GSE1: variants seen among roughly 807,000 people sequenced by gnomAD.
The protein encoded by GSE1 is genetic suppressor element 1.
Under a neutral mutation model 112.6 loss-of-function variants are expected in GSE1, and 32 were observed. That is an observed-to-expected ratio of 0.28 (90% CI 0.21 to 0.38). The LOEUF is 0.38. Among genes scored for constraint, GSE1 ranks in the 10% least tolerant of loss-of-function variants. The pLI is 1.00. For missense variants in GSE1, 2,348 were observed against 1,699.2 expected, an observed-to-expected ratio of 1.38 and a Z score of -6.71; for synonymous variants, 1,115 against 735.6, an observed-to-expected ratio of 1.52 and a Z score of -8.35.
chr16:85,240,260 A>C (rs1905067990), intron 1 of GSE1, among the ~76,000 whole-genome samples: 1 of 152,136 alleles, frequency 6.6e-6, no homozygotes, highest in Non-Finnish European at 1.5e-5. Flanking sequence ...CCTCCTCCCC[A>C]GTCATTAGCC....
At chr16:85,301,668 G>A (rs779059135) in intron 1 of GSE1, among the ~76,000 whole-genome samples, 15 of 152,208 alleles carry the variant, frequency 9.9e-5, no homozygotes, top group Non-Finnish European at 1.5e-4. Flanking sequence ...GTTGCCATCT[G>A]TGTTTCCTTT....
intron 15 of GSE1, chr16:85,672,118 C>T (rs1477906088): frequency 8.9e-6 from 3 of 338,928 alleles, no homozygotes; most frequent in African/African-American, 6.4e-5. Flanking sequence ...CCTGCCTCAG[C>T]CTCCCGAGTA....
chr16:85,655,783 C>T lies in GSE1; in HGVS notation c.855C>T (p.Thr285=), dbSNP rs757530490. 4.8e-5 allele frequency: 77 copies of T among 1,609,752 alleles called. No homozygotes were observed. Among genetic ancestry groups the T allele is most frequent in the Non-Finnish European group, 6.1e-5 (72 of 1,177,770 alleles). Residue 285 remains threonine, a synonymous_variant, in exon 6 of 16, where the codon ACC becomes ACT. Coordinates refer to ENST00000253458, the MANE Select transcript of GSE1 (RefSeq NM_014615.5). ...ALRSPFYPIP[T]PGSLPPLHPS... is the part of the protein sequence containing the mutation. The stretch of plus-strand genomic sequence containing the variant: ...GGTCCCCGTTCTACCCCATCCCCAC[C>T]CCCGGCTCCCTGCCCCCACTGCACC...
intron 2 of GSE1, among the ~76,000 whole-genome samples, chr16:85,503,908 G>A (rs1039072951): frequency 1.1e-4 from 17 of 152,304 alleles, no homozygotes; most frequent in African/African-American, 3.8e-4. Flanking sequence ...ATTCGCCGGC[G>A]CTTAATTAGG....
intron 1 of GSE1, among the ~76,000 whole-genome samples, chr16:85,631,934 G>T (rs187289135): frequency 2.6e-5 from 4 of 152,276 alleles, no homozygotes; most frequent in Non-Finnish European, 5.9e-5. Flanking sequence ...CGGGGGACAC[G>T]CAGAGGCCAG....
chr16:85,598,712 C>G (rs2047340166), intron 1 of GSE1, among the ~76,000 whole-genome samples: 1 of 152,246 alleles, frequency 6.6e-6, no homozygotes, highest in Admixed American at 6.5e-5. Flanking sequence ...GGTTTGCATC[C>G]CGCAACCATT....
chr16:85,320,314 G>A (rs957110348), intron 1 of GSE1, among the ~76,000 whole-genome samples: 23 of 152,172 alleles, frequency 1.5e-4, no homozygotes, highest in African/African-American at 5.1e-4. Flanking sequence ...TTTCGCTCAC[G>A]CAGAACACCA....
intron 1 of GSE1, among the ~76,000 whole-genome samples, chr16:85,331,471 A>ATGTATATATG (rs200394166): frequency 1.4e-5 from 2 of 140,926 alleles, no homozygotes; most frequent in East Asian, 4.0e-4. Context: ...GTGTGTATAT[A>ATGTATATATG]TGTATATATG....
upstream of GSE1, among the ~76,000 whole-genome samples, chr16:85,607,556 A>G (rs776831747): frequency 6.6e-6 from 1 of 152,212 alleles, no homozygotes; most frequent in African/African-American, 2.4e-5. Context: ...CCCGGGGTTA[A>G]GAGGAAAACT....
In GSE1 at chr16:85,649,243, CGTTCTG is replaced by C. The variant is rs2051133918; in HGVS notation, c.426+493_426+498del. On this transcript the variant is annotated intron_variant, in intron 3 of 15. Transcript: ENST00000253458. Reference sequence around the variant, plus strand: ...AAGACCGTGTCTCCAAATGCAGTTCCGTTCTGAGGCCCTGGGCATCAGGGCTCTAAC... The same window carrying C: ...AAGACCGTGTCTCCAAATGCAGTTCCAGGCCCTGGGCATCAGGGCTCTAAC... 2.0e-5 allele frequency among the ~76,000 whole-genome samples: 3 copies of C among 152,116 alleles called. No individual in the cohort carries two copies. The South Asian group carries it at 6.2e-4, about 32-fold the overall frequency.
At chr16:85,414,678 A>G (rs1418827563) in intron 2 of GSE1, among the ~76,000 whole-genome samples, 2 of 152,204 alleles carry the variant, frequency 1.3e-5, no homozygotes, top group African/African-American at 4.8e-5. Flanking sequence ...TCTGTCACCC[A>G]GGCTGCAGTG....
rs1205947618 is a variant in GSE1 at position 85,408,773 on chromosome 16, C to T, written c.2464+51130C>T. ...CCCCCCTGGATAATCCTCACTGTTGCACTCAGGGTCCCTCTGATAATCCTC... is the reference window on the plus strand; with the variant it reads ...CCCCCCTGGATAATCCTCACTGTTGTACTCAGGGTCCCTCTGATAATCCTC... On this transcript the variant is annotated intron_variant, in intron 2 of 2. Transcript: ENST00000637419. 1.2e-3 allele frequency among the ~76,000 whole-genome samples: 70 copies of T among 58,882 alleles called. 11 individuals are homozygous for T. Among genetic ancestry groups the T allele is most frequent in the East Asian group, 2.0e-3 (3 of 1,486 alleles). The allele number at this position is 58,882 out of a possible 152,430, so 38.6% of individuals were successfully genotyped here.
intron 2 of GSE1, among the ~76,000 whole-genome samples, chr16:85,452,902 G>A (rs2049725803): frequency 1.3e-5 from 2 of 151,480 alleles, no homozygotes; most frequent in Admixed American, 1.3e-4. Flanking sequence ...GGGGGACTGG[G>A]TGGTCGCTCG....
At chr16:85,187,429 G>T (rs1473191045) in intron 1 of GSE1, among the ~76,000 whole-genome samples, 1 of 152,234 alleles carries the variant, frequency 6.6e-6, no homozygotes, top group Admixed American at 6.5e-5. Context: ...CTGCTCTGGG[G>T]GAAGAGAGAG....
intron 1 of GSE1, among the ~76,000 whole-genome samples, chr16:85,559,130 G>A (rs187970804): frequency 6.6e-6 from 1 of 152,288 alleles, no homozygotes; most frequent in East Asian, 1.9e-4. Flanking sequence ...CTTGGGCTGG[G>A]ATTACAGGCT....
intron 2 of GSE1, among the ~76,000 whole-genome samples, chr16:85,358,827 C>T (rs1178523398): frequency 1.3e-5 from 2 of 152,224 alleles, no homozygotes; most frequent in Non-Finnish European, 2.9e-5. Context: ...GTCTGAGGAC[C>T]TGCTCTGCCG....
intron 1 of GSE1, among the ~76,000 whole-genome samples, chr16:85,353,995 T>C (rs1251941043): frequency 6.6e-6 from 1 of 152,220 alleles, no homozygotes; most frequent in Non-Finnish European, 1.5e-5. Flanking sequence ...TCTGGCGCCT[T>C]GTGCAGGTGC....
At chr16:85,639,162 T>C (rs1468521549) in intron 2 of GSE1, among the ~76,000 whole-genome samples, 1 of 152,170 alleles carries the variant, frequency 6.6e-6, no homozygotes, top group East Asian at 1.9e-4. Flanking sequence ...TCTTTGTTCC[T>C]CCCACATTGT....
At chr16:85,465,189 C>T (rs1353882417) in intron 2 of GSE1, among the ~76,000 whole-genome samples, 1 of 152,236 alleles carries the variant, frequency 6.6e-6, no homozygotes, top group Non-Finnish European at 1.5e-5. Context: ...CGGCTGCATG[C>T]AGCGGTTGGG....
Sources: allele counts gnomAD v4.1 joint callset (sites outside exome capture counted in the v4.1 genomes callset), GRCh38; gene constraint gnomAD v4.1.1; transcripts MANE v1.5; gene names NCBI Gene and HGNC (gene_info 2026-07-23, HGNC 2026-07-21).